Variants in AGK observed in about 807,000 individuals in gnomAD.
The protein encoded by AGK is acylglycerol kinase.
AGK carries 52 observed loss-of-function variants against 66.4 expected under a neutral mutation model. That is an observed-to-expected ratio of 0.78 (90% CI 0.63 to 0.99). AGK has a LOEUF of 0.99. Ranked by LOEUF, AGK falls within the 50% of genes least tolerant of loss-of-function variation. AGK has a pLI of 0.00. For missense variants in AGK, 451 were observed against 506.6 expected (o/e 0.89, Z 1.05); for synonymous variants, 182 against 181.1 (o/e 1.00, Z -0.04).
chr7:141,628,260 A>G (rs1362078641), intron 9 of AGK, among the ~76,000 whole-genome samples: 1 of 152,228 alleles, frequency 6.6e-6, no homozygotes, highest in African/African-American at 2.4e-5. Context: ...TGAAACCAGT[A>G]TCAAATTTAC....
rs758712665 is a variant in AGK, at chr7:141,611,230, A to C, written c.333A>C (p.Glu111Asp). The C allele has an allele frequency of 6.2e-7, 1 of 1,613,632 alleles. No homozygotes were observed. The highest frequency in any genetic ancestry group is 8.5e-7 in the Non-Finnish European group (1 of 1,179,704). ...DYEGQAKKLL[E>D]LMENTDVIIV... ...AGGGACAAGCCAAGAAACTCCTGGA[A>C]CTGATGGAAAACACGGATGTGATCA... The change falls in exon 6 of 16, where the codon GAA (glutamate) becomes GAC (aspartate). Residue 111 changes from glutamate (E) to aspartate (D), a missense_variant. Transcript: ENST00000649286.
At chr7:141,588,568 A>G (rs935092048) in intron 2 of AGK, among the ~76,000 whole-genome samples, 2 of 151,978 alleles carry the variant, frequency 1.3e-5, no homozygotes, top group Admixed American at 1.3e-4. Flanking sequence ...GTGAGCCGAG[A>G]CAGCGCCACT....
intron 8 of AGK, among the ~76,000 whole-genome samples, chr7:141,620,458 C>T (rs1178749460): frequency 1.3e-5 from 2 of 152,162 alleles, no homozygotes; most frequent in Non-Finnish European, 1.5e-5. Flanking sequence ...GAAAACTCAG[C>T]AACTCTTCTT....
At position 141,583,189 on chromosome 7, in the gene AGK, C is replaced by G. The variant is rs1234898508; in HGVS notation, c.102-9957C>G. Among the ~76,000 whole-genome samples, 3 of 151,912 alleles carry G rather than the reference C, an allele frequency of 2.0e-5. No individual in the cohort carries two copies. The East Asian group carries it at 5.8e-4, about 29-fold the overall frequency. ...TTTGTATTGGGGTCAAGCAGTATTGCAGAAGAAAATAAGGCATTTAGGTTT... is the reference window on the plus strand; with the variant it reads ...TTTGTATTGGGGTCAAGCAGTATTGGAGAAGAAAATAAGGCATTTAGGTTT... On this transcript the variant is annotated intron_variant, in intron 2 of 15. Coordinates refer to ENST00000649286, the MANE Select transcript of AGK (RefSeq NM_018238.4).
chr7:141,551,792 T>C (rs1030096219), intron 1 of AGK, among the ~76,000 whole-genome samples: 1 of 152,112 alleles, frequency 6.6e-6, no homozygotes, highest in African/African-American at 2.4e-5. Flanking sequence ...GGGCCAATAG[T>C]ATCAGATCCA....
chr7:141,564,178 A>T lies in AGK; in HGVS notation c.101+8611A>T, dbSNP rs188532964. 6.6e-5 allele frequency among the ~76,000 whole-genome samples: 10 copies of T among 152,302 alleles called. No individual in the cohort carries two copies. The East Asian group carries it at 1.7e-3, about 26-fold the overall frequency. ...TGCTTTCCTATCTCCCTCTCATGCC[A>T]CATCCTCTCCAATTTTCATTATAAT... On this transcript the variant is annotated intron_variant, in intron 2 of 15. Coordinates refer to ENST00000649286, the MANE Select transcript of AGK (RefSeq NM_018238.4).
intron 2 of AGK, among the ~76,000 whole-genome samples, chr7:141,586,611 G>A (rs1322570992): frequency 6.6e-6 from 1 of 152,184 alleles, no homozygotes; most frequent in Non-Finnish European, 1.5e-5. Flanking sequence ...GTGTGGTGGG[G>A]TAAGGGCATG....
chr7:141,623,393 GA>G lies in AGK; in HGVS notation c.588+1602del, dbSNP rs747528988. Among the ~76,000 whole-genome samples the G allele has an allele frequency of 5.1e-4, 53 of 104,806 alleles. 1 individual carries two copies. The highest frequency in any genetic ancestry group is 3.1e-4 in the South Asian group (1 of 3,188). The allele number at this position is 104,806 out of a possible 152,430, so 68.8% of individuals were successfully genotyped here. A position where few individuals can be genotyped will look rare whatever the true frequency, so the allele number is the denominator to read the frequency against. ...AAACTTTTTCTCAAAAAAAAAAAAA[GA>G]AAAAAAAAAGAAAGAAAAAAAAAAA... On this transcript the variant is annotated intron_variant, in intron 9 of 15. Coordinates refer to ENST00000649286, the MANE Select transcript of AGK (RefSeq NM_018238.4).
intron 2 of AGK, among the ~76,000 whole-genome samples, chr7:141,588,685 C>T (rs979381849): frequency 2.6e-5 from 4 of 151,844 alleles, no homozygotes; most frequent in Non-Finnish European, 5.9e-5. Flanking sequence ...CAGCATGGAC[C>T]ACTCAGGTGC....
intron 1 of AGK, among the ~76,000 whole-genome samples, chr7:141,553,955 TA>T (rs1795154500): frequency 6.6e-6 from 1 of 152,152 alleles, no homozygotes; most frequent in African/African-American, 2.4e-5. Context: ...ATCTAGAAAA[TA>T]AGTTCATTTT....
rs139621536 is a variant in AGK at position 141,598,116 on chromosome 7, G to A, written c.221+1475G>A. On this transcript the variant is annotated intron_variant, in intron 4 of 15. Transcript: ENST00000649286. This position sits in a 1 kb window ranked among gnomAD's most constrained non-coding sequence, Gnocchi z 4.2. ...CTAGTCATTTCTTGAGAGGCAGTGAGTGTGACTTCACAGACAGGAGGACAC... is the reference window on the plus strand; with the variant it reads ...CTAGTCATTTCTTGAGAGGCAGTGAATGTGACTTCACAGACAGGAGGACAC... 5.0e-3 allele frequency among the ~76,000 whole-genome samples: 762 copies of A among 152,178 alleles called. 9 individuals carry two copies. Among genetic ancestry groups the A allele is most frequent in the African/African-American group, 0.017 (720 of 41,506 alleles).
rs562945664 is a variant in AGK, at chr7:141,619,816, G to A, written c.519-1916G>A. ...AAAATTAAACATATACCTACCATATGAGCAGCAATCACACTTATAGGTACT... is the reference window on the plus strand; with the variant it reads ...AAAATTAAACATATACCTACCATATAAGCAGCAATCACACTTATAGGTACT... On this transcript the variant is annotated intron_variant, in intron 8 of 15. Transcript: ENST00000649286. Among the ~76,000 whole-genome samples, 5 of 152,218 alleles carry A rather than the reference G, an allele frequency of 3.3e-5. No individual in the cohort carries two copies. In the East Asian group the frequency reaches 5.8e-4, roughly 18 times the overall value.
intron 10 of AGK, among the ~76,000 whole-genome samples, chr7:141,635,320 G>GTA (rs145972833): frequency 0.012 from 1,887 of 152,284 alleles, 44 homozygotes; most frequent in African/African-American, 0.041. Context: ...CTAGCTGGCT[G>GTA]TAGGAAGACT....
chr7:141,572,738 T>C (rs1167476555), intron 2 of AGK, among the ~76,000 whole-genome samples: 3 of 151,990 alleles, frequency 2.0e-5, no homozygotes, highest in South Asian at 2.1e-4. Flanking sequence ...CCAGGGAGAA[T>C]TGGTTTAAGG....
chr7:141,605,804 T>C (rs1289112288), intron 5 of AGK, among the ~76,000 whole-genome samples: 1 of 152,224 alleles, frequency 6.6e-6, no homozygotes, highest in East Asian at 1.9e-4. Flanking sequence ...CCTAGGTCTG[T>C]CGACTCTAAG....
chr7:141,576,995 A>G (rs1054524202), intron 2 of AGK, among the ~76,000 whole-genome samples: 1 of 152,174 alleles, frequency 6.6e-6, no homozygotes, highest in African/African-American at 2.4e-5. Context: ...AGCTGAGATC[A>G]TGCCACTGCA....
intron 2 of AGK, among the ~76,000 whole-genome samples, chr7:141,589,521 G>A (rs1168736973): frequency 6.6e-6 from 1 of 152,002 alleles, no homozygotes; most frequent in Non-Finnish European, 1.5e-5. Context: ...GCAAGATCAA[G>A]ATGGTTAACA....
chr7:141,627,941 G>GCA (rs1462320955), intron 9 of AGK, among the ~76,000 whole-genome samples: 2 of 152,146 alleles, frequency 1.3e-5, no homozygotes, highest in Non-Finnish European at 2.9e-5. Flanking sequence ...AAGTGCAGTG[G>GCA]CACAATCTTG....
At chr7:141,604,054 T>C (rs1445165787) in intron 5 of AGK, among the ~76,000 whole-genome samples, 1 of 152,112 alleles carries the variant, frequency 6.6e-6, no homozygotes, top group Non-Finnish European at 1.5e-5. Flanking sequence ...TTATCAATTA[T>C]ATGCAAGTAC....
Sources: allele counts gnomAD v4.1 joint callset (sites outside exome capture counted in the v4.1 genomes callset), GRCh38; gene constraint gnomAD v4.1.1; non-coding constraint Gnocchi (gnomAD v3.1); transcripts MANE v1.5; gene names NCBI Gene and HGNC (gene_info 2026-07-23, HGNC 2026-07-21).